The following MIPOL1 variants were observed in gnomAD, a reference collection of about 807,000 sequenced individuals.
The protein encoded by MIPOL1 is mirror-image polydactyly 1, also known as mirror-image polydactyly gene 1 protein.
In MIPOL1, 57 loss-of-function variants were observed where a neutral mutation model predicts 60.9. The observed-to-expected ratio is 0.94, with a 90% CI of 0.76 to 1.17. MIPOL1 has a LOEUF of 1.17. MIPOL1 is among the 50% of genes most tolerant of loss of function. MIPOL1 has a pLI of 0.00. For missense variants in MIPOL1, 551 were observed against 511.6 expected (o/e 1.08, Z -0.74); for synonymous variants, 179 against 168.8 (o/e 1.06, Z -0.47).
At chr14:37,416,781 G>C (rs1428305364) in intron 10 of MIPOL1, among the ~76,000 whole-genome samples, 2 of 152,050 alleles carry the variant, frequency 1.3e-5, no homozygotes, top group Non-Finnish European at 2.9e-5. Flanking sequence ...AGACCTCTCA[G>C]GGACTTGGAC....
chr14:37,454,647 A>G (rs772263974), intron 11 of MIPOL1, among the ~76,000 whole-genome samples: 5 of 152,208 alleles, frequency 3.3e-5, no homozygotes, highest in Non-Finnish European at 7.3e-5. Context: ...AAAGTATCCT[A>G]TTATAAAAAC....
chr14:37,552,122 A>G (rs1594955251), downstream of MIPOL1: 1 of 152,196 alleles, frequency 6.6e-6, no homozygotes, highest in East Asian at 1.9e-4. Flanking sequence ...CATGACTAAA[A>G]GAGGAATGGA....
chr14:37,417,579 C>T (rs1244705646), intron 10 of MIPOL1, among the ~76,000 whole-genome samples: 2 of 152,076 alleles, frequency 1.3e-5, no homozygotes, highest in Non-Finnish European at 2.9e-5. Context: ...TTTTGGGTAT[C>T]GTTACACAAG....
At position 37,267,028 on chromosome 14, in the gene MIPOL1, G is replaced by C. The variant is rs747315502; in HGVS notation, c.110G>C (p.Ser37Thr). The change falls in exon 4 of 13, where the codon AGT (serine) becomes ACT (threonine). Residue 37 changes from serine (S) to threonine (T), a missense_variant. Ser to Thr is a moderately conservative substitution (Grantham distance 58). Transcript: ENST00000684589. ...DEQLTMNSEK[S>T]MHRKSTELVN... is the part of the protein sequence containing the mutation. ...CAACTGACTATGAATTCTGAGAAAA[G>C]TATGCATCGGAAATCCACTGAATTA... 7 of 1,613,824 alleles carry C rather than the reference G, an allele frequency of 4.3e-6. No homozygotes were observed. The highest frequency in any genetic ancestry group is 5.9e-6 in the Non-Finnish European group (7 of 1,179,938).
At position 37,547,093 on chromosome 14, in the gene MIPOL1, C is replaced by G; in HGVS notation, c.*122C>G. 3 of 728,740 alleles carry G rather than the reference C, an allele frequency of 4.1e-6. No individual in the cohort carries two copies. Among genetic ancestry groups the G allele is most frequent in the Non-Finnish European group, 6.9e-6 (3 of 433,452 alleles). 45.1% of individuals were successfully genotyped at this position (728,740 alleles called of 1,614,324 possible). On this transcript the variant is annotated 3_prime_UTR_variant, in exon 13 of 13. Transcript: ENST00000684589. ...AGTTGTTAGAAGTGGGACACTCCAA[C>G]CACATTCCAAGCTGAGATAAAATCA...
intron 11 of MIPOL1, among the ~76,000 whole-genome samples, chr14:37,447,343 GC>G (rs2094353177): frequency 6.6e-6 from 1 of 152,046 alleles, no homozygotes; most frequent in African/African-American, 2.4e-5. Context: ...GATAGTAGGT[GC>G]TAAGTAATGG....
At chr14:37,245,721 C>A (rs1346995268) in intron 1 of MIPOL1, among the ~76,000 whole-genome samples, 1 of 152,010 alleles carries the variant, frequency 6.6e-6, no homozygotes, top group African/African-American at 2.4e-5. Flanking sequence ...GTGCTAATTG[C>A]AATATTTTAT....
intron 9 of MIPOL1, among the ~76,000 whole-genome samples, chr14:37,337,813 T>A (rs1446905996): frequency 6.6e-6 from 1 of 152,082 alleles, no homozygotes. Flanking sequence ...TTTGCAAAAT[T>A]TTCTCCCATT....
At chr14:37,498,191 G>T (rs1364815278) in intron 11 of MIPOL1, among the ~76,000 whole-genome samples, 1 of 152,072 alleles carries the variant, frequency 6.6e-6, no homozygotes, top group Non-Finnish European at 1.5e-5. Flanking sequence ...ACCTTTTGGG[G>T]AGGGGAAAAA....
intron 11 of MIPOL1, among the ~76,000 whole-genome samples, chr14:37,445,594 A>C (rs2094321233): frequency 6.6e-6 from 1 of 151,654 alleles, no homozygotes; most frequent in Non-Finnish European, 1.5e-5. Context: ...TATGGAACCA[A>C]AAAAGAGCCC....
At chr14:37,506,533 A>G (rs1430435555) in intron 12 of MIPOL1, 5 of 152,242 alleles carry the variant, frequency 3.3e-5, no homozygotes, top group African/African-American at 1.2e-4. Context: ...GTGCTGGGAA[A>G]ACTGGCTAGC....
chr14:37,338,440 G>T (rs1465475133), intron 9 of MIPOL1, among the ~76,000 whole-genome samples: 2 of 150,460 alleles, frequency 1.3e-5, no homozygotes, highest in East Asian at 2.0e-4. Flanking sequence ...ACAGAATCTC[G>T]CACTGTCATC....
intron 11 of MIPOL1, among the ~76,000 whole-genome samples, chr14:37,425,876 GTAGTT>G (rs1352664813): frequency 6.6e-6 from 1 of 152,140 alleles, no homozygotes; most frequent in African/African-American, 2.4e-5. Context: ...CTTCCACAGA[GTAGTT>G]TAGTCAACAG....
chr14:37,461,559 A>T (rs532403245), intron 11 of MIPOL1, among the ~76,000 whole-genome samples: 4 of 152,102 alleles, frequency 2.6e-5, no homozygotes, highest in African/African-American at 9.7e-5. Context: ...TTTCAAAACC[A>T]ATCATGCCTT....
chr14:37,308,569 AT>A (rs1206067415), intron 9 of MIPOL1, 50 bp downstream of exon 9: 33 of 1,356,986 alleles, frequency 2.4e-5, no homozygotes, highest in Non-Finnish European at 2.9e-5. Context: ...TTTCCTCTCT[AT>A]TTTTTTAACC....
intron 9 of MIPOL1, among the ~76,000 whole-genome samples, chr14:37,335,400 T>G (rs1355196749): frequency 6.6e-6 from 1 of 152,100 alleles, no homozygotes; most frequent in Non-Finnish European, 1.5e-5. Flanking sequence ...AAACAATAAC[T>G]CCTCATTCTA....
At chr14:37,222,235 T>TC (rs1464371246) in intron 1 of MIPOL1, among the ~76,000 whole-genome samples, 8 of 151,736 alleles carry the variant, frequency 5.3e-5, no homozygotes, top group African/African-American at 1.7e-4. Flanking sequence ...TTTTTTTTTT[T>TC]TTGAGATTGG....
chr14:37,263,352 A>G (rs1261960343), intron 3 of MIPOL1, among the ~76,000 whole-genome samples: 1 of 152,344 alleles, frequency 6.6e-6, no homozygotes, highest in Admixed American at 6.5e-5. Flanking sequence ...AGATGTATTA[A>G]GTACTAAGAT....
chr14:37,264,792 T>C (rs1293616513), intron 3 of MIPOL1, among the ~76,000 whole-genome samples: 1 of 152,060 alleles, frequency 6.6e-6, no homozygotes, highest in Non-Finnish European at 1.5e-5. Context: ...AATGAAGGAT[T>C]ATCTAATGTC....
Sources: allele counts gnomAD v4.1 joint callset (sites outside exome capture counted in the v4.1 genomes callset), GRCh38; gene constraint gnomAD v4.1.1; transcripts MANE v1.5; gene names NCBI Gene and HGNC (gene_info 2026-07-23, HGNC 2026-07-21).